The following FBXO16 variants were observed in gnomAD, a reference collection of about 807,000 sequenced individuals.
The protein encoded by FBXO16 is F-box protein 16.
FBXO16 carries 31 observed loss-of-function variants against 41.0 expected under a neutral mutation model. The observed-to-expected ratio is 0.76, with a 90% CI of 0.57 to 1.02. The LOEUF is 1.02. Among genes scored for constraint, FBXO16 ranks in the 50% least tolerant of loss-of-function variants. The probability of loss-of-function intolerance (pLI) is 0.00; values close to 1 mark genes in which losing one functional copy is unlikely to be tolerated. For missense variants in FBXO16, 361 were observed against 346.2 expected (o/e 1.04, Z -0.34); for synonymous variants, 133 against 117.8 (o/e 1.13, Z -0.84).
chr8:28,443,023 C>CTG (rs1802805446), intron 7 of FBXO16, among the ~76,000 whole-genome samples: 1 of 143,072 alleles, frequency 7.0e-6, no homozygotes, highest in Non-Finnish European at 1.5e-5. Context: ...ATTACTTGTA[C>CTG]TTTTTTTTTT....
At chr8:28,461,947 C>T in intron 4 of FBXO16, among the ~76,000 whole-genome samples, 1 of 149,328 alleles carries the variant, frequency 6.7e-6, no homozygotes. Context: ...TTGAATAATA[C>T]TTTTTTTTTT....
chr8:28,450,171 T>C (rs1425545628), intron 6 of FBXO16, among the ~76,000 whole-genome samples: 1 of 152,020 alleles, frequency 6.6e-6, no homozygotes, highest in Non-Finnish European at 1.5e-5. Flanking sequence ...CCCTCACATA[T>C]ATGGTCTATT....
intron 2 of FBXO16, among the ~76,000 whole-genome samples, chr8:28,481,808 C>G (rs1445979215): frequency 2.1e-5 from 2 of 95,832 alleles, no homozygotes; most frequent in African/African-American, 9.7e-5. Context: ...GACTCTGTTT[C>G]AGGAAAAAAA....
chr8:28,449,442 C>T (rs1403763502), intron 6 of FBXO16, among the ~76,000 whole-genome samples: 1 of 151,504 alleles, frequency 6.6e-6, no homozygotes, highest in Non-Finnish European at 1.5e-5. Flanking sequence ...CCATTTCAAC[C>T]TCCTGAGTAG....
In FBXO16 at chr8:28,481,398, G is replaced by C. The variant is rs897990234; in HGVS notation, c.99+1950C>G. Among the ~76,000 whole-genome samples, 11 of 152,212 alleles carry C rather than the reference G, an allele frequency of 7.2e-5. No homozygotes were observed. The South Asian group carries it at 1.7e-3, about 23-fold the overall frequency. ...AGAAGAGAGGCCTGAATGAGAGATT[G>C]GGAGGAGGACTCAGAGTACTGGAAA... On this transcript the variant is annotated intron_variant, in intron 2 of 8. Coordinates refer to ENST00000380254, the MANE Select transcript of FBXO16 (RefSeq NM_172366.4).
At chr8:28,476,883 A>T (rs1803431690) in intron 2 of FBXO16, among the ~76,000 whole-genome samples, 1 of 152,244 alleles carries the variant, frequency 6.6e-6, no homozygotes, top group East Asian at 1.9e-4. Flanking sequence ...TTTAAGGTAT[A>T]CAACTTGATG....
intron 2 of FBXO16, 87 bp downstream of exon 2, chr8:28,483,261 C>A: frequency 8.4e-7 from 1 of 1,187,362 alleles, no homozygotes; most frequent in Non-Finnish European, 1.2e-6. Flanking sequence ...TTAAATAATC[C>A]CTGTTCATAT....
chr8:28,456,638 T>C (rs1803042633), intron 5 of FBXO16, 128 bp downstream of exon 5: 1 of 1,070,306 alleles, frequency 9.3e-7, no homozygotes, highest in Non-Finnish European at 1.3e-6. Context: ...AGGAGAATTT[T>C]GAAATCATAG....
chr8:28,443,570 C>T (rs1380082276), intron 7 of FBXO16, among the ~76,000 whole-genome samples: 1 of 152,058 alleles, frequency 6.6e-6, no homozygotes, highest in African/African-American at 2.4e-5. Flanking sequence ...TAAACCTGTC[C>T]AAATGATGGG....
rs776550852 is a variant in FBXO16, at chr8:28,447,236, G to A, written c.778C>T (p.Arg260Ter). The A allele has an allele frequency of 3.7e-6, 6 of 1,613,432 alleles. No individual in the cohort carries two copies. The highest frequency in any genetic ancestry group is 1.3e-5 in the African/African-American group (1 of 74,862). Reference sequence around the variant, plus strand: ...TTATTTTTCTTATCATGTGACTGTCGGCTGAAGTCTGGGGTCATTTGGTTT... The same window carrying A: ...TTATTTTTCTTATCATGTGACTGTCAGCTGAAGTCTGGGGTCATTTGGTTT... ...KRNQMTPDFS[R>*]QSHDKKNKLQ... Residue 260 changes from arginine (R) to a stop codon, truncating the protein, a stop_gained, in exon 7 of 9, where the codon CGA (arginine) becomes TGA (stop). Coordinates refer to ENST00000380254, the MANE Select transcript of FBXO16 (RefSeq NM_172366.4). LOFTEE classifies it high-confidence loss of function.
chr8:28,476,383 G>A (rs1411356329), intron 2 of FBXO16, among the ~76,000 whole-genome samples: 1 of 152,126 alleles, frequency 6.6e-6, no homozygotes, highest in Non-Finnish European at 1.5e-5. Flanking sequence ...CTCAGATCTG[G>A]TTCTGACTCT....
At chr8:28,440,548 T>C (rs1207907195) in intron 7 of FBXO16, among the ~76,000 whole-genome samples, 2 of 152,164 alleles carry the variant, frequency 1.3e-5, no homozygotes, top group African/African-American at 4.8e-5. Flanking sequence ...TAGAGTATAT[T>C]CCTGTGTGTG....
intron 7 of FBXO16, among the ~76,000 whole-genome samples, chr8:28,442,248 T>C (rs181998618): frequency 3.4e-4 from 52 of 152,190 alleles, no homozygotes; most frequent in Non-Finnish European, 4.6e-4. Context: ...GGAATTTGTA[T>C]TTTTAATTGC....
At chr8:28,445,458 A>G (rs1432344900) in intron 7 of FBXO16, among the ~76,000 whole-genome samples, 2 of 152,144 alleles carry the variant, frequency 1.3e-5, no homozygotes, top group Non-Finnish European at 2.9e-5. Flanking sequence ...ATCACCATCA[A>G]CTTTTATTGT....
intron 1 of FBXO16, among the ~76,000 whole-genome samples, chr8:28,484,979 G>C (rs560599466): frequency 4.2e-4 from 64 of 151,640 alleles, no homozygotes; most frequent in African/African-American, 1.4e-3. Context: ...AGGTTCAAGC[G>C]ATCCTCCTGC....
intron 7 of FBXO16, among the ~76,000 whole-genome samples, chr8:28,431,793 C>T (rs1802609184): frequency 6.6e-6 from 1 of 152,162 alleles, no homozygotes; most frequent in Admixed American, 6.5e-5. Context: ...TTTTGCTTTT[C>T]TCACTCTTTG....
rs1258913270 is a variant in FBXO16, at chr8:28,437,122, C to A, written c.844-7719G>T. 6.6e-5 allele frequency among the ~76,000 whole-genome samples: 10 copies of A among 152,222 alleles called. No individual in the cohort carries two copies. In the East Asian group the frequency reaches 1.7e-3, roughly 26 times the overall value. ...CATGTTATAACAAATACGTATATAA[C>A]TAATAATATTACATAAATCACAAAC... is the stretch of plus-strand genomic sequence containing the variant. On this transcript the variant is annotated intron_variant, in intron 7 of 8. Coordinates refer to ENST00000380254, the MANE Select transcript of FBXO16 (RefSeq NM_172366.4).
rs57784909 is a variant in FBXO16, at chr8:28,463,290, ATGTTTGTGTG to A, written c.342+312_342+321del. The stretch of plus-strand genomic sequence containing the variant: ...TATTTGTGTGTGCATGTGTATATGT[ATGTTTGTGTG>A]TGTTTGTGTGTGTGTGTATATGTGT... On this transcript the variant is annotated intron_variant, in intron 4 of 8. Transcript: ENST00000380254. Among the ~76,000 whole-genome samples, 610 of 145,084 alleles carry A rather than the reference ATGTTTGTGTG, an allele frequency of 4.2e-3. 7 individuals carry two copies. The highest frequency in any genetic ancestry group is 0.015 in the African/African-American group (579 of 38,750).
At chr8:28,456,238 T>C (rs1803036297) in intron 5 of FBXO16, among the ~76,000 whole-genome samples, 1 of 152,218 alleles carries the variant, frequency 6.6e-6, no homozygotes, top group South Asian at 2.1e-4. Flanking sequence ...TTTATGAATA[T>C]ATGTAAGTGC....
Sources: gnomAD v4.1 joint callset for allele counts (sites outside exome capture counted in the v4.1 genomes callset) on GRCh38, gnomAD v4.1.1 for gene constraint, MANE v1.5 for transcripts, NCBI Gene and HGNC (gene_info 2026-07-23, HGNC 2026-07-21) for gene names.